Variants in UNC13C observed in about 807,000 individuals in gnomAD.
UNC13C encodes unc-13 homolog C, also known as protein unc-13 homolog C.
In UNC13C, 174 loss-of-function variants were observed where a neutral mutation model predicts 245.4. The observed-to-expected ratio is 0.71, with a 90% CI of 0.63 to 0.80. The LOEUF is 0.80. Ranked by LOEUF, UNC13C falls within the 30% of genes least tolerant of loss-of-function variation. The pLI is 0.00. For synonymous variants in UNC13C, 992 were observed against 895.1 expected (o/e 1.11, Z -1.93); for missense variants, 2,829 against 2,602.9 (o/e 1.09, Z -1.89).
At chr15:54,526,921 T>C (rs1340047201) in intron 25 of UNC13C, among the ~76,000 whole-genome samples, 3 of 152,092 alleles carry the variant, frequency 2.0e-5, no homozygotes, top group Non-Finnish European at 4.4e-5. Context: ...TTTTTCTTCT[T>C]AGATGTAGGA....
the UNC13C span, among the ~76,000 whole-genome samples, chr15:53,897,603 C>T: frequency 6.6e-6 from 1 of 152,140 alleles, no homozygotes; most frequent in African/African-American, 2.4e-5. Flanking sequence ...AATGGCAATA[C>T]ATTACAACTC....
chr15:53,956,310 C>G, the UNC13C span, among the ~76,000 whole-genome samples: 1 of 152,072 alleles, frequency 6.6e-6, no homozygotes, highest in African/African-American at 2.4e-5. Context: ...TACACGTGTA[C>G]CACCTGAATC....
the UNC13C span, among the ~76,000 whole-genome samples, chr15:53,879,388 C>G: frequency 2.0e-5 from 3 of 152,048 alleles, no homozygotes; most frequent in African/African-American, 7.2e-5. Flanking sequence ...GTCTGAAACT[C>G]CTGGGCTCCA....
At chr15:53,954,557 G>A in the UNC13C span, among the ~76,000 whole-genome samples, 3 of 152,264 alleles carry the variant, frequency 2.0e-5, no homozygotes, top group Middle Eastern at 6.8e-3. Flanking sequence ...CTTTGATGAA[G>A]ATGAAATCCA....
At chr15:54,180,519 T>G (rs1276216100) in intron 4 of UNC13C, among the ~76,000 whole-genome samples, 1 of 152,102 alleles carries the variant, frequency 6.6e-6, no homozygotes, top group Non-Finnish European at 1.5e-5. Flanking sequence ...ATATACCCAG[T>G]AATGGCATTG....
At chr15:54,041,955 G>A (rs1287860983) in intron 2 of UNC13C, among the ~76,000 whole-genome samples, 2 of 152,122 alleles carry the variant, frequency 1.3e-5, no homozygotes, top group Non-Finnish European at 2.9e-5. Flanking sequence ...TTCACAATCC[G>A]ATCGAGTACA....
intron 17 of UNC13C, among the ~76,000 whole-genome samples, chr15:54,381,960 A>T (rs1005294179): frequency 6.6e-6 from 1 of 152,286 alleles, no homozygotes; most frequent in South Asian, 2.1e-4. Flanking sequence ...TCTCATCAGC[A>T]TGTGGAACAT....
chr15:54,149,558 T>G (rs1329346341), intron 4 of UNC13C, among the ~76,000 whole-genome samples: 3 of 152,236 alleles, frequency 2.0e-5, no homozygotes, highest in Admixed American at 6.5e-5. Flanking sequence ...ACTTAGGCAA[T>G]TGCAAACTGA....
chr15:54,042,066 T>C (rs1896828517), intron 2 of UNC13C, among the ~76,000 whole-genome samples: 1 of 152,172 alleles, frequency 6.6e-6, no homozygotes, highest in Non-Finnish European at 1.5e-5. Flanking sequence ...AACAAGATGC[T>C]GCGATTTTTA....
At chr15:54,144,936 T>C (rs371053316) in intron 4 of UNC13C, among the ~76,000 whole-genome samples, 3 of 151,866 alleles carry the variant, frequency 2.0e-5, no homozygotes, top group African/African-American at 4.8e-5. Flanking sequence ...TCTATATAAT[T>C]AATTATCTAT....
intron 2 of UNC13C, among the ~76,000 whole-genome samples, chr15:54,022,059 A>G (rs541821604): frequency 6.6e-6 from 1 of 152,340 alleles, no homozygotes; most frequent in Admixed American, 6.5e-5. Flanking sequence ...TTCTCAGAAC[A>G]TATCCTTGTT....
At chr15:54,472,927 A>T (rs1892536635) in intron 19 of UNC13C, among the ~76,000 whole-genome samples, 1 of 151,824 alleles carries the variant, frequency 6.6e-6, no homozygotes, top group Non-Finnish European at 1.5e-5. Flanking sequence ...ATATTGCATT[A>T]TGCTGAGGTT....
At chr15:54,212,721 C>T (rs914316468) in intron 4 of UNC13C, among the ~76,000 whole-genome samples, 31 of 152,044 alleles carry the variant, frequency 2.0e-4, no homozygotes, top group Non-Finnish European at 4.0e-4. Context: ...GAATACAGTA[C>T]TAGTTTGACA....
At chr15:54,567,659 T>C (rs1219869294) in intron 29 of UNC13C, 141 bp from the exon 30 acceptor site, 5 of 697,240 alleles carry the variant, frequency 7.2e-6, no homozygotes, top group Non-Finnish European at 1.1e-5. Context: ...AACTTAGCAA[T>C]GGGAAAATGA....
At position 54,014,443 on chromosome 15, in the gene UNC13C, T is replaced by C. The variant is rs950603997; in HGVS notation, c.1540T>C (p.Leu514=). Residue 514 remains leucine (L), a synonymous_variant, in exon 2 of 33, where the codon TTG becomes CTG. Coordinates refer to ENST00000260323, the MANE Select transcript of UNC13C (RefSeq NM_001080534.3). ...KSDYDKISSQ[L]PESDILEKQT... is the part of the protein sequence containing the mutation. Reference sequence around the variant, plus strand: ...AGATTATGATAAAATCTCCTCACAGTTGCCAGAATCAGATATCTTGGAAAA... The same window carrying C: ...AGATTATGATAAAATCTCCTCACAGCTGCCAGAATCAGATATCTTGGAAAA... 2 of 1,613,708 alleles carry C rather than the reference T, an allele frequency of 1.2e-6. No individual in the cohort carries two copies. The highest frequency in any genetic ancestry group is 3.3e-5 in the Admixed American group (2 of 59,932).
intron 4 of UNC13C, among the ~76,000 whole-genome samples, chr15:54,189,184 C>G (rs1248536581): frequency 6.6e-6 from 1 of 151,980 alleles, no homozygotes; most frequent in African/African-American, 2.4e-5. Flanking sequence ...TTTCTTTGTC[C>G]CACAGGTCAG....
the UNC13C span, among the ~76,000 whole-genome samples, chr15:53,959,497 T>C: frequency 1.3e-5 from 2 of 152,292 alleles, no homozygotes; most frequent in African/African-American, 2.4e-5. Context: ...TAGCCTGTCT[T>C]ATTTCTTATC....
chr15:54,601,407 A>G (rs78454628), intron 30 of UNC13C, among the ~76,000 whole-genome samples: 5,958 of 152,218 alleles, frequency 0.039, 220 homozygotes, highest in Admixed American at 0.12. Context: ...GAGGAGAAGG[A>G]GAGCACTTGA....
intron 1 of UNC13C, among the ~76,000 whole-genome samples, chr15:53,993,101 A>G (rs1894463593): frequency 6.6e-6 from 1 of 152,062 alleles, no homozygotes; most frequent in Non-Finnish European, 1.5e-5. Context: ...TCTTATCTGG[A>G]GTCACTTCCT....
Sources: allele counts gnomAD v4.1 joint callset (sites outside exome capture counted in the v4.1 genomes callset), GRCh38; gene constraint gnomAD v4.1.1; transcripts MANE v1.5; gene names NCBI Gene and HGNC (gene_info 2026-07-23, HGNC 2026-07-21).